CRB1: variants seen among roughly 807,000 people sequenced by gnomAD.
CRB1 encodes protein crumbs homolog 1.
Under a neutral mutation model 120.0 loss-of-function variants are expected in CRB1, and 83 were observed. That is an observed-to-expected ratio of 0.69 (90% confidence interval 0.58 to 0.83). The LOEUF (loss-of-function observed/expected upper bound fraction) is 0.83. Ranked by LOEUF, CRB1 falls within the 40% of genes least tolerant of loss-of-function variation. The pLI is 0.00. For synonymous variants in CRB1, 625 were observed against 612.5 expected, an observed-to-expected ratio of 1.02 and a Z score of -0.30; for missense variants, 1,699 against 1,687.6, an observed-to-expected ratio of 1.01 and a Z score of -0.12.
the CRB1 span, among the ~76,000 whole-genome samples, chr1:197,237,167 A>G: frequency 6.6e-6 from 1 of 152,262 alleles, no homozygotes; most frequent in East Asian, 1.9e-4. Context: ...CTTTTATTTC[A>G]GAAGATTATT....
the CRB1 span, among the ~76,000 whole-genome samples, chr1:197,260,741 GGCTAGA>G: frequency 6.6e-6 from 1 of 150,666 alleles, no homozygotes; most frequent in East Asian, 1.9e-4. Flanking sequence ...CTGTCACCCA[GGCTAGA>G]GTGCGGTAGG....
intron 4 of CRB1, among the ~76,000 whole-genome samples, chr1:197,350,595 T>C (rs1401122880): frequency 6.6e-6 from 1 of 152,160 alleles, no homozygotes; most frequent in East Asian, 1.9e-4. Context: ...AAAGGTATCG[T>C]CCCTTCCTCC....
the CRB1 span, among the ~76,000 whole-genome samples, chr1:197,258,099 T>C: frequency 6.6e-6 from 1 of 152,226 alleles, no homozygotes; most frequent in African/African-American, 2.4e-5. Flanking sequence ...TAAGAACTAG[T>C]ATTTGATAAC....
At chr1:197,272,206 C>G (rs1471409374) in intron 1 of CRB1, among the ~76,000 whole-genome samples, 1 of 152,098 alleles carries the variant, frequency 6.6e-6, no homozygotes, top group Non-Finnish European at 1.5e-5. Context: ...ACATTGAAAA[C>G]TTTGATCGTT....
intron 11 of CRB1, among the ~76,000 whole-genome samples, chr1:197,460,886 G>A (rs1666498918): frequency 6.6e-6 from 1 of 152,102 alleles, no homozygotes; most frequent in African/African-American, 2.4e-5. Context: ...GGGACCAACT[G>A]TGTCCAGGGA....
In CRB1 at chr1:197,341,944, A is replaced by C. The variant is rs559548970; in HGVS notation, c.653-2337A>C. ...CTTCCTTGGGTGGACAAGGGGGAAAAAGCATTCCAGACAGAGATCAGTGTA... is the reference window on the plus strand; with the variant it reads ...CTTCCTTGGGTGGACAAGGGGGAAACAGCATTCCAGACAGAGATCAGTGTA... On this transcript the variant is annotated intron_variant, in intron 2 of 11. Transcript: ENST00000367400. Among the ~76,000 whole-genome samples, 103 of 152,314 alleles carry C rather than the reference A, an allele frequency of 6.8e-4. 1 individual carries two copies. In the South Asian group the frequency reaches 0.02, roughly 29 times the overall value.
rs569584965 is a variant in CRB1 at position 197,355,227 on chromosome 1, T to C, written c.989-1604T>C. ...AGATTAGCTAGATACAGAGTGCCCA[T>C]TGGGCATCCACAAACCTTGAGCTAG... On this transcript the variant is annotated intron_variant, in intron 4 of 11. Transcript: ENST00000367400. Among the ~76,000 whole-genome samples the C allele has an allele frequency of 1.5e-3, 225 of 152,274 alleles. 2 individuals are homozygous for C. Among genetic ancestry groups the C allele is most frequent in the South Asian group, 4.6e-3 (22 of 4,828 alleles).
At chr1:197,238,334 TAATC>T in the CRB1 span, among the ~76,000 whole-genome samples, 32 of 152,308 alleles carry the variant, frequency 2.1e-4, no homozygotes, top group African/African-American at 7.5e-4. Context: ...ATATTAATGT[TAATC>T]AATTGATATT....
rs1253093751 is a variant in CRB1, at chr1:197,381,933, T to G, written c.1171+24920T>G. On this transcript the variant is annotated intron_variant, in intron 5 of 11. Coordinates refer to ENST00000367400, the MANE Select transcript of CRB1 (RefSeq NM_201253.3). Reference sequence around the variant, plus strand: ...GCAGTAAATTCTTCCCTTGCAGATGTGTTTGATGCTTTCCAAAGGGTCTCT... The same window carrying G: ...GCAGTAAATTCTTCCCTTGCAGATGGGTTTGATGCTTTCCAAAGGGTCTCT... Among the ~76,000 whole-genome samples, 5 of 152,266 alleles carry G rather than the reference T, an allele frequency of 3.3e-5. No homozygotes were observed. The East Asian group carries it at 7.7e-4, about 24-fold the overall frequency.
intron 4 of CRB1, 24 bp downstream of exon 4, chr1:197,347,503 C>G (rs377212045): frequency 6.2e-7 from 1 of 1,611,670 alleles, no homozygotes; most frequent in Non-Finnish European, 8.5e-7. Context: ...TACCTTCCAC[C>G]AATTATTTTT....
At chr1:197,373,585 T>C (rs917198164) in intron 5 of CRB1, among the ~76,000 whole-genome samples, 3 of 152,188 alleles carry the variant, frequency 2.0e-5, no homozygotes, top group African/African-American at 7.2e-5. Context: ...GACAAATCTT[T>C]CCTGCCCATG....
chr1:197,352,471 G>A (rs1660157447), intron 4 of CRB1, among the ~76,000 whole-genome samples: 1 of 152,106 alleles, frequency 6.6e-6, no homozygotes, highest in African/African-American at 2.4e-5. Flanking sequence ...AAATAGTCCA[G>A]CCTTTCTTCA....
At chr1:197,224,932 G>A in the CRB1 span, among the ~76,000 whole-genome samples, 1 of 151,638 alleles carries the variant, frequency 6.6e-6, no homozygotes, top group Admixed American at 6.6e-5. Flanking sequence ...TAGTATGAAG[G>A]CTATTAGATA....
intron 5 of CRB1, among the ~76,000 whole-genome samples, chr1:197,405,345 C>G (rs890081278): frequency 3.9e-5 from 6 of 152,018 alleles, no homozygotes; most frequent in African/African-American, 1.2e-4. Context: ...CCCGAGGTGC[C>G]GGGATTGCAG....
chr1:197,355,929 G>A (rs1388165972), intron 4 of CRB1, among the ~76,000 whole-genome samples: 5 of 152,352 alleles, frequency 3.3e-5, no homozygotes, highest in South Asian at 4.1e-4. Flanking sequence ...CGAGGGCTGC[G>A]AGGGCTGCCA....
At chr1:197,310,464 A>G (rs1365244552) in intron 1 of CRB1, among the ~76,000 whole-genome samples, 1 of 152,208 alleles carries the variant, frequency 6.6e-6, no homozygotes, top group Non-Finnish European at 1.5e-5. Context: ...ACCACAGATA[A>G]TAGGGAAAAG....
intron 1 of CRB1, among the ~76,000 whole-genome samples, chr1:197,269,052 A>G (rs1346402302): frequency 2.6e-5 from 4 of 152,164 alleles, no homozygotes; most frequent in Admixed American, 1.3e-4. Context: ...ATTTTCCACA[A>G]ACTTCCCCAA....
chr1:197,351,284 T>C (rs1486843433), intron 4 of CRB1, among the ~76,000 whole-genome samples: 4 of 136,314 alleles, frequency 2.9e-5, no homozygotes, highest in Non-Finnish European at 3.0e-5. Context: ...CACTTGAACC[T>C]GGGAGGCGGA....
the CRB1 span, among the ~76,000 whole-genome samples, chr1:197,225,929 TCG>T: frequency 6.6e-6 from 1 of 152,050 alleles, no homozygotes; most frequent in Non-Finnish European, 1.5e-5. Flanking sequence ...CAGACGGTAA[TCG>T]CACTCTGTCA....
Sources: allele counts gnomAD v4.1 joint callset (sites outside exome capture counted in the v4.1 genomes callset), GRCh38; gene constraint gnomAD v4.1.1; transcripts MANE v1.5; gene names NCBI Gene and HGNC (gene_info 2026-07-23, HGNC 2026-07-21).